Variants in STOX2 observed in about 807,000 individuals in gnomAD.
STOX2 encodes storkhead-box protein 2.
STOX2 carries 28 observed loss-of-function variants against 60.9 expected under a neutral mutation model. The ratio of observed to expected loss-of-function variants is 0.46; its 90% CI spans 0.34 to 0.63. The LOEUF (loss-of-function observed/expected upper bound fraction) is 0.63. Ranked by LOEUF, STOX2 falls within the 30% of genes least tolerant of loss-of-function variation. The pLI, the probability that STOX2 is intolerant of heterozygous loss-of-function variation, is 0.01. For synonymous variants in STOX2, 472 were observed against 463.9 expected, an observed-to-expected ratio of 1.02 and a Z score of -0.22; for missense variants, 1,024 against 1,187.7, an observed-to-expected ratio of 0.86 and a Z score of 2.03.
intron 1 of STOX2, among the ~76,000 whole-genome samples, chr4:183,863,149 G>A (rs17075101): frequency 7.9e-5 from 12 of 152,136 alleles, no homozygotes; most frequent in Non-Finnish European, 1.0e-4. Context: ...TGAAAGAAGC[G>A]GTCCTGGGTG....
chr4:184,010,444 G>T lies in STOX2; in HGVS notation c.1606G>T (p.Ala536Ser). Residue 536 changes from alanine to serine, a missense_variant, in exon 3 of 4, where the codon GCA (alanine) becomes TCA (serine). Ala to Ser is a moderately conservative substitution (Grantham distance 99, BLOSUM62 1). Coordinates refer to ENST00000308497, the MANE Select transcript of STOX2 (RefSeq NM_020225.3). The surrounding 1 kb of genome is among the most constrained non-coding windows in gnomAD (Gnocchi z 4.5). ...CATTGACGACAGTACTTTAAGGCCTGCACAGACCGTTAGTCTCCAAAGGGC... is the reference window on the plus strand; with the variant it reads ...CATTGACGACAGTACTTTAAGGCCTTCACAGACCGTTAGTCTCCAAAGGGC... ...SYIDDSTLRP[A>S]QTVSLQRAHI... is the part of the protein sequence containing the mutation. 1 of 1,613,804 alleles carries T rather than the reference G, an allele frequency of 6.2e-7. No homozygotes were observed. Among genetic ancestry groups the T allele is most frequent in the Non-Finnish European group, 8.5e-7 (1 of 1,179,820 alleles).
chr4:183,931,271 A>G (rs994257003), intron 1 of STOX2, among the ~76,000 whole-genome samples: 2 of 152,134 alleles, frequency 1.3e-5, no homozygotes, highest in African/African-American at 2.4e-5. Flanking sequence ...TAAAAATACA[A>G]AAATTAGCTG....
chr4:184,011,783 G>A lies in STOX2; in HGVS notation c.2585+360G>A. 2 of 395,466 alleles carry A rather than the reference G, an allele frequency of 5.1e-6. No homozygotes were observed. The highest frequency in any genetic ancestry group is 8.9e-6 in the Non-Finnish European group (2 of 223,960). The allele number at this position is 395,466 out of a possible 1,614,324, so 24.5% of individuals were successfully genotyped here. ...TTCAAAAATAGTAACTTTTTGAGTA[G>A]AATAAATAGTCTGGGGGCGGGGGAG... On this transcript the variant is annotated intron_variant, in intron 3 of 3. Transcript: ENST00000308497. This position sits in a 1 kb window ranked among gnomAD's most constrained non-coding sequence, Gnocchi z 4.4.
intron 1 of STOX2, among the ~76,000 whole-genome samples, chr4:183,803,945 G>A (rs889802576): frequency 1.3e-5 from 2 of 152,066 alleles, no homozygotes; most frequent in African/African-American, 4.8e-5. Flanking sequence ...TCCAGCCTGG[G>A]TGACAGTGAG....
chr4:183,990,358 A>G (rs1296056769), intron 1 of STOX2, among the ~76,000 whole-genome samples: 1 of 152,140 alleles, frequency 6.6e-6, no homozygotes, highest in African/African-American at 2.4e-5. Flanking sequence ...TTCTTGCTAT[A>G]GCTCTTCTAA....
rs11734775 is a variant in STOX2 at position 183,908,767 on chromosome 4, A to T, written c.166+1811A>T. Among the ~76,000 whole-genome samples the T allele has an allele frequency of 5.2e-3, 792 of 152,292 alleles. 2 individuals carry two copies. Among genetic ancestry groups the T allele is most frequent in the Non-Finnish European group, 8.4e-3 (570 of 68,030 alleles). On this transcript the variant is annotated intron_variant, in intron 1 of 3. Transcript: ENST00000308497. ...TTTTATTTCTTGATCTACAAATGGT[A>T]AGATGGTCCTATGGTGATAATGAAG...
At position 183,905,876 on chromosome 4, in the gene STOX2, T is replaced by G. The variant is rs1478769732; in HGVS notation, c.-915T>G. The G allele has an allele frequency of 6.6e-6, 1 of 152,192 alleles. No individual in the cohort carries two copies. The highest frequency in any genetic ancestry group is 1.5e-5 in the Non-Finnish European group (1 of 68,050). 9.4% of individuals were successfully genotyped at this position (152,192 alleles called of 1,614,324 possible). A position where few individuals can be genotyped will look rare whatever the true frequency, so the allele number is the denominator to read the frequency against. ...GCAGGCTCGGCGTCCTTGGCAGCCA[T>G]GGCTCCGGCGCCGCCTCGGCCAGTA... is the stretch of plus-strand genomic sequence containing the variant. On this transcript the variant is annotated 5_prime_UTR_variant, in exon 1 of 4. The change abolishes an upstream ATG in the 5' untranslated region. Transcript: ENST00000308497.
At chr4:183,964,232 A>G (rs180844008) in intron 1 of STOX2, among the ~76,000 whole-genome samples, 154 of 152,324 alleles carry the variant, frequency 1.0e-3, no homozygotes, top group African/African-American at 3.7e-3. Context: ...AGTTCTTCCG[A>G]TGGGGTGCTG....
chr4:183,844,727 G>A (rs1335176626), intron 1 of STOX2, among the ~76,000 whole-genome samples: 1 of 152,216 alleles, frequency 6.6e-6, no homozygotes, highest in Non-Finnish European at 1.5e-5. Context: ...GAAAATGCGT[G>A]TAGATTGGTT....
intron 1 of STOX2, among the ~76,000 whole-genome samples, chr4:183,807,885 G>A (rs1381727917): frequency 6.6e-6 from 1 of 152,220 alleles, no homozygotes; most frequent in Non-Finnish European, 1.5e-5. Context: ...AGGCTGCAGC[G>A]GAAGGCTCTT....
At chr4:183,992,479 G>T (rs773798769) in intron 1 of STOX2, among the ~76,000 whole-genome samples, 2 of 152,214 alleles carry the variant, frequency 1.3e-5, no homozygotes, top group Non-Finnish European at 2.9e-5. Context: ...GTTAGGCCAG[G>T]TTATGCTGCA....
chr4:183,961,282 A>G (rs1285605759), intron 1 of STOX2, among the ~76,000 whole-genome samples: 2 of 152,194 alleles, frequency 1.3e-5, no homozygotes, highest in African/African-American at 4.8e-5. Context: ...TTACCCCTCA[A>G]ACAGTTCATA....
chr4:183,809,059 G>A (rs918598352), intron 1 of STOX2, among the ~76,000 whole-genome samples: 1 of 152,134 alleles, frequency 6.6e-6, no homozygotes, highest in Non-Finnish European at 1.5e-5. Context: ...GTGGAATTTG[G>A]ATACGAATTA....
intron 1 of STOX2, among the ~76,000 whole-genome samples, chr4:183,972,759 T>A (rs778545390): frequency 6.6e-6 from 1 of 152,144 alleles, no homozygotes; most frequent in South Asian, 2.1e-4. Context: ...AGCCAGCATA[T>A]GAAGAATTAG....
chr4:184,010,258 A>T lies in STOX2; in HGVS notation c.1420A>T (p.Thr474Ser). 1 of 1,570,964 alleles carries T rather than the reference A, an allele frequency of 6.4e-7. No homozygotes were observed. The highest frequency in any genetic ancestry group is 8.6e-7 in the Non-Finnish European group (1 of 1,158,102). Residue 474 changes from threonine to serine, a missense_variant, in exon 3 of 4, where the codon ACA becomes TCA. By Grantham distance (58) the Thr-to-Ser change is moderately conservative. This residue lies in a region of STOX2 where 922 missense variants were observed against 1,058.3 expected (regional missense o/e 0.87). Coordinates refer to ENST00000308497, the MANE Select transcript of STOX2 (RefSeq NM_020225.3). This position sits in a 1 kb window ranked among gnomAD's most constrained non-coding sequence, Gnocchi z 4.5. ...HSKVHRSHSH[T>S]QDRRSRNERS... is the part of the protein sequence containing the mutation. ...AAAAGTGCACCGAAGCCACAGCCAT[A>T]CACAGGACCGGAGGTCCAGGAATGA...
At chr4:183,833,918 C>T (rs1739636161) in intron 1 of STOX2, among the ~76,000 whole-genome samples, 1 of 139,434 alleles carries the variant, frequency 7.2e-6, no homozygotes, top group African/African-American at 2.7e-5. Flanking sequence ...GGAGGCGGAG[C>T]TTGCAGTGAG....
intron 1 of STOX2, among the ~76,000 whole-genome samples, chr4:183,896,689 C>G (rs903160511): frequency 2.6e-5 from 4 of 152,198 alleles, no homozygotes; most frequent in Non-Finnish European, 4.4e-5. Flanking sequence ...TACCTGTGCT[C>G]ATTAAGTGGA....
At chr4:183,924,327 T>A (rs75306883) in intron 1 of STOX2, among the ~76,000 whole-genome samples, 3,563 of 152,078 alleles carry the variant, frequency 0.023, 81 homozygotes, top group African/African-American at 0.06. Context: ...AGGGTGATGA[T>A]GGGGGCTGAG....
chr4:183,922,048 C>T (rs1443051332), intron 1 of STOX2, among the ~76,000 whole-genome samples: 1 of 152,198 alleles, frequency 6.6e-6, no homozygotes, highest in Admixed American at 6.5e-5. Context: ...TACTTAACTT[C>T]TTATTGTCTT....
Sources: gnomAD v4.1 joint callset for allele counts (sites outside exome capture counted in the v4.1 genomes callset) on GRCh38, gnomAD v4.1.1 for gene constraint, gnomAD v4.1.1 regional missense constraint, Gnocchi (gnomAD v3.1) non-coding constraint, MANE v1.5 for transcripts, NCBI Gene and HGNC (gene_info 2026-07-23, HGNC 2026-07-21) for gene names.